The following ANTXRL variants were observed in gnomAD, a reference collection of about 807,000 sequenced individuals.
The protein encoded by ANTXRL is ANTXR like, also known as anthrax toxin receptor-like.
In ANTXRL, 63 loss-of-function variants were observed where a neutral mutation model predicts 75.4. The observed-to-expected ratio is 0.84, with a 90% CI of 0.68 to 1.03. The LOEUF is 1.03. Among genes scored for constraint, ANTXRL ranks in the 50% least tolerant of loss-of-function variants. The pLI, the probability that ANTXRL is intolerant of heterozygous loss-of-function variation, is 0.00. For synonymous variants in ANTXRL, 335 were observed against 291.3 expected, an observed-to-expected ratio of 1.15 and a Z score of -1.53; for missense variants, 797 against 789.4, an observed-to-expected ratio of 1.01 and a Z score of -0.12.
rs1223245683 is a variant in ANTXRL, at chr10:46,287,580, G to A, written c.248+70G>A. 4 of 1,475,154 alleles carry A rather than the reference G, an allele frequency of 2.7e-6. No individual in the cohort carries two copies. In the African/African-American group the frequency reaches 5.6e-5, roughly 21 times the overall value. The allele number at this position is 1,475,154 out of a possible 1,614,324, so 91.4% of individuals were successfully genotyped here. A position where few individuals can be genotyped will look rare whatever the true frequency, so the allele number is the denominator to read the frequency against. ...CACTGTCTCTTTTTCACTAGGGACA[G>A]GACACCACTCAAGGAGATGCAAGCT... On this transcript the variant is annotated intron_variant, in intron 1 of 16. Transcript: ENST00000620264.
At chr10:46,307,655 A>G (rs2132783357) in intron 12 of ANTXRL, among the ~76,000 whole-genome samples, 175 bp downstream of exon 12, 1 of 152,186 alleles carries the variant, frequency 6.6e-6, no homozygotes, top group African/African-American at 2.4e-5. Flanking sequence ...TGAGGCTGGG[A>G]GGCTGTCTGC....
At chr10:46,313,637 T>C (rs1554964100) in intron 16 of ANTXRL, among the ~76,000 whole-genome samples, 1 of 152,114 alleles carries the variant, frequency 6.6e-6, no homozygotes, top group Non-Finnish European at 1.5e-5. Flanking sequence ...GAGGACCAAA[T>C]TTTTAAGATT....
intron 2 of ANTXRL, among the ~76,000 whole-genome samples, chr10:46,293,302 G>GTGTGCGTGTGTGCC (rs1837111910): frequency 1.8e-5 from 1 of 55,452 alleles, no homozygotes; most frequent in East Asian, 3.4e-4. Flanking sequence ...GTGTGCCTGT[G>GTGTGCGTGTGTGCC]TGTGTGTGCG....
At chr10:46,306,735 G>A in intron 10 of ANTXRL, 68 bp from the exon 11 acceptor site, 12 of 1,363,040 alleles carry the variant, frequency 8.8e-6, no homozygotes, top group Non-Finnish European at 1.2e-5. Context: ...GCATGCTGAG[G>A]ACAGACATGG....
chr10:46,302,861 A>G, intron 10 of ANTXRL, 41 bp downstream of exon 10: 1 of 1,409,116 alleles, frequency 7.1e-7, no homozygotes, highest in Non-Finnish European at 9.7e-7. Flanking sequence ...CGTATTTCCC[A>G]CACAATGCTG....
At chr10:46,314,666 A>G (rs1838623040) in intron 16 of ANTXRL, among the ~76,000 whole-genome samples, 1 of 152,078 alleles carries the variant, frequency 6.6e-6, no homozygotes, top group African/African-American at 2.4e-5. Flanking sequence ...GAGTAATTGC[A>G]TTACAGAGGG....
At chr10:46,294,995 C>A (rs1483456040) in intron 3 of ANTXRL, among the ~76,000 whole-genome samples, 1 of 152,192 alleles carries the variant, frequency 6.6e-6, no homozygotes, top group Non-Finnish European at 1.5e-5. Flanking sequence ...AGTCCTGCCA[C>A]CAGAGCCAGT....
chr10:46,296,124 C>A (rs782467575), intron 4 of ANTXRL, 24 bp downstream of exon 4: 2 of 1,532,244 alleles, frequency 1.3e-6, no homozygotes, highest in Non-Finnish European at 8.7e-7. Context: ...GATCTCCTAA[C>A]CCTAACCCTA....
rs1006562257 is a variant in ANTXRL at position 46,318,441 on chromosome 10, A to G, written c.1410+5125A>G. 4.0e-5 allele frequency among the ~76,000 whole-genome samples: 6 copies of G among 149,756 alleles called. No individual in the cohort carries two copies. The East Asian group carries it at 1.5e-3, about 38-fold the overall frequency. ...TCCCAGAGGAATTCATGAGCTTGCT[A>G]TGTTATTTTAGTGAAAATTGTAATG... On this transcript the variant is annotated intron_variant, in intron 16 of 16. Transcript: ENST00000620264.
At chr10:46,317,120 G>A (rs781922948) in intron 16 of ANTXRL, among the ~76,000 whole-genome samples, 32 of 152,254 alleles carry the variant, frequency 2.1e-4, no homozygotes, top group Middle Eastern at 6.8e-3. Context: ...GGTGTGTATA[G>A]CTCACATTTA....
rs782246831 is a variant in ANTXRL at position 46,297,233 on chromosome 10, C to T, written c.509-19C>T. 2.6e-4 allele frequency: 406 copies of T among 1,535,208 alleles called. 1 individual carries two copies. Among genetic ancestry groups the T allele is most frequent in the Non-Finnish European group, 3.5e-4 (396 of 1,145,970 alleles). ...CCTGGTGCCTTTGCTGAGCAGGCCA[C>T]TCTTTGCTTCTTCTACAGACAAGGT... On this transcript the variant is annotated intron_variant, in intron 5 of 16. Coordinates refer to ENST00000620264, the MANE Select transcript of ANTXRL (RefSeq NM_001278688.3).
At chr10:46,314,866 C>T (rs1347079540) in intron 16 of ANTXRL, among the ~76,000 whole-genome samples, 4 of 152,110 alleles carry the variant, frequency 2.6e-5, no homozygotes, top group African/African-American at 9.7e-5. Context: ...CAGAAATCAA[C>T]CCCAGATCTG....
At chr10:46,324,301 G>A (rs1839110617) in intron 16 of ANTXRL, among the ~76,000 whole-genome samples, 1 of 152,176 alleles carries the variant, frequency 6.6e-6, no homozygotes, top group South Asian at 2.1e-4. Context: ...GCAAACAAAT[G>A]TTGACTCTCT....
intron 3 of ANTXRL, 178 bp downstream of exon 3, chr10:46,294,078 C>T: frequency 1.7e-6 from 1 of 599,264 alleles, no homozygotes; most frequent in Admixed American, 3.2e-5. Flanking sequence ...CATCCTCCTA[C>T]CCATGGCTGC....
chr10:46,306,400 G>T (rs1305418557), intron 10 of ANTXRL, among the ~76,000 whole-genome samples: 3 of 152,118 alleles, frequency 2.0e-5, no homozygotes, highest in East Asian at 3.8e-4. Flanking sequence ...TGTTCCTCTA[G>T]ACCAGAAATT....
At chr10:46,309,893 G>T (rs1436360162) in intron 13 of ANTXRL, among the ~76,000 whole-genome samples, 7 of 152,160 alleles carry the variant, frequency 4.6e-5, no homozygotes, top group Non-Finnish European at 1.0e-4. Flanking sequence ...CAGAGATGGA[G>T]CCCGGGGCAG....
At chr10:46,296,287 G>A in intron 5 of ANTXRL, 35 bp downstream of exon 5, 1 of 1,533,384 alleles carries the variant, frequency 6.5e-7, no homozygotes. Context: ...GGTCCTGTAG[G>A]GGGAACAGAG....
rs188553045 is a variant in ANTXRL, at chr10:46,289,085, T to C, written c.248+1575T>C. 7.6e-4 allele frequency among the ~76,000 whole-genome samples: 116 copies of C among 152,254 alleles called. 1 individual carries two copies. Among genetic ancestry groups the C allele is most frequent in the East Asian group, 5.8e-4 (3 of 5,172 alleles). ...GCAGCTGGGCGGGACCCTGAGAAAC[T>C]TGCGGTAATCCTCCAGGCAGAAACA... On this transcript the variant is annotated intron_variant, in intron 1 of 16. Transcript: ENST00000620264.
chr10:46,311,432 C>T lies in ANTXRL; in HGVS notation c.1174-78C>T, dbSNP rs538946491. The T allele has an allele frequency of 1.5e-4, 219 of 1,421,212 alleles. 1 individual carries two copies. The South Asian group carries it at 3.1e-3, about 20-fold the overall frequency. The allele number at this position is 1,421,212 out of a possible 1,614,324, so 88.0% of individuals were successfully genotyped here. Reference sequence around the variant, plus strand: ...TGGGTTTCTTTCTGGTCCTTTCATTCCCCAGACACACATCTGGGAGTGGCC... The same window carrying T: ...TGGGTTTCTTTCTGGTCCTTTCATTTCCCAGACACACATCTGGGAGTGGCC... On this transcript the variant is annotated intron_variant, in intron 14 of 16. Coordinates refer to ENST00000620264, the MANE Select transcript of ANTXRL (RefSeq NM_001278688.3).
Sources: allele counts gnomAD v4.1 joint callset (sites outside exome capture counted in the v4.1 genomes callset), GRCh38; gene constraint gnomAD v4.1.1; transcripts MANE v1.5; gene names NCBI Gene and HGNC (gene_info 2026-07-23, HGNC 2026-07-21).